The following SPAG9 variants were observed in gnomAD, a reference collection of about 807,000 sequenced individuals.
SPAG9 encodes sperm associated antigen 9, also known as C-Jun-amino-terminal kinase-interacting protein 4.
In SPAG9, 35 loss-of-function variants were observed where a neutral mutation model predicts 166.5. The ratio of observed to expected loss-of-function variants is 0.21; its 90% CI spans 0.16 to 0.28. The LOEUF is 0.28. Among genes scored for constraint, SPAG9 ranks in the 10% least tolerant of loss-of-function variants. SPAG9 has a pLI of 1.00. For missense variants in SPAG9, 1,235 were observed against 1,603.3 expected (o/e 0.77, Z 3.92); for synonymous variants, 534 against 565.5 (o/e 0.94, Z 0.79).
intron 13 of SPAG9, among the ~76,000 whole-genome samples, chr17:51,000,202 A>T (rs1018282749): frequency 6.6e-6 from 1 of 152,220 alleles, no homozygotes; most frequent in African/African-American, 2.4e-5. Context: ...CACAGCAGGG[A>T]AGAGGATAAA....
At chr17:51,115,582 G>A (rs2049263550) in intron 1 of SPAG9, among the ~76,000 whole-genome samples, 1 of 152,040 alleles carries the variant, frequency 6.6e-6, no homozygotes, top group African/African-American at 2.4e-5. Flanking sequence ...GGCAATCCCA[G>A]CACTTTAGGA....
chr17:51,117,546 C>A (rs1210363857), intron 1 of SPAG9, among the ~76,000 whole-genome samples: 1 of 151,332 alleles, frequency 6.6e-6, no homozygotes, highest in Non-Finnish European at 1.5e-5. Context: ...CCCGTCTCTA[C>A]CAAAAATACA....
chr17:51,019,192 G>C (rs986553492), intron 8 of SPAG9, among the ~76,000 whole-genome samples: 4 of 152,188 alleles, frequency 2.6e-5, no homozygotes, highest in African/African-American at 9.7e-5. Context: ...GCCCTCACCA[G>C]ACACCTGACC....
At position 50,963,563 on chromosome 17, in the gene SPAG9, ATAT is replaced by A. The variant is rs1973215502; in HGVS notation, c.*2706_*2708del. Reference sequence around the variant, plus strand: ...CTTTAGATAAAACAACTACACACCTATATTACTTAAGTTAAAGCCAGTAAGTTC... The same window carrying A: ...CTTTAGATAAAACAACTACACACCTATACTTAAGTTAAAGCCAGTAAGTTC... On this transcript the variant is annotated 3_prime_UTR_variant, in exon 30 of 30. Coordinates refer to ENST00000262013, the MANE Select transcript of SPAG9 (RefSeq NM_001130528.3). 6.6e-6 allele frequency: 1 copy of A among 152,206 alleles called. No individual in the cohort carries two copies. The highest frequency in any genetic ancestry group is 1.5e-5 in the Non-Finnish European group (1 of 68,034). The allele number at this position is 152,206 out of a possible 1,614,324, so 9.4% of individuals were successfully genotyped here. A position where few individuals can be genotyped will look rare whatever the true frequency, so the allele number is the denominator to read the frequency against.
chr17:50,994,722 CTA>C (rs1473306819), intron 18 of SPAG9, among the ~76,000 whole-genome samples: 4 of 152,154 alleles, frequency 2.6e-5, no homozygotes, highest in African/African-American at 9.7e-5. Flanking sequence ...GCACTCCAGC[CTA>C]TGTGATAGAG....
intron 4 of SPAG9, chr17:51,046,800 T>C: frequency 6.5e-7 from 1 of 1,534,064 alleles, no homozygotes; most frequent in South Asian, 1.2e-5. Flanking sequence ...CACTCCATCC[T>C]GCAGCAGCTC....
intron 1 of SPAG9, among the ~76,000 whole-genome samples, chr17:51,083,543 TTTTA>T (rs71149341): frequency 0.02 from 2,844 of 141,150 alleles, 98 homozygotes; most frequent in African/African-American, 0.065. Context: ...AGCCTCTTTA[TTTTA>T]TTTATTTATT....
intron 3 of SPAG9, among the ~76,000 whole-genome samples, 176 bp downstream of exon 3, chr17:51,056,236 T>C (rs955260437): frequency 5.9e-5 from 9 of 152,170 alleles, no homozygotes; most frequent in South Asian, 2.1e-4. Flanking sequence ...CCAAGAAAAG[T>C]TGACATTTGG....
intron 1 of SPAG9, among the ~76,000 whole-genome samples, chr17:51,114,584 C>A (rs1315658764): frequency 6.6e-6 from 1 of 151,980 alleles, no homozygotes; most frequent in African/African-American, 2.4e-5. Context: ...AAGCCAAGAT[C>A]GTGCCTCTGC....
chr17:51,017,402 T>C (rs764422289), intron 8 of SPAG9, among the ~76,000 whole-genome samples: 1 of 152,118 alleles, frequency 6.6e-6, no homozygotes, highest in Non-Finnish European at 1.5e-5. Context: ...GATAGAGTTG[T>C]GCACCCTTTA....
intron 9 of SPAG9, among the ~76,000 whole-genome samples, chr17:51,007,568 G>T (rs2045280037): frequency 6.6e-6 from 1 of 152,020 alleles, no homozygotes; most frequent in African/African-American, 2.4e-5. Flanking sequence ...ATCTGAATCG[G>T]CTTGCTAGGG....
chr17:51,005,672 G>A (rs1157653125), intron 11 of SPAG9, among the ~76,000 whole-genome samples: 1 of 152,202 alleles, frequency 6.6e-6, no homozygotes, highest in African/African-American at 2.4e-5. Context: ...CCAACATGGC[G>A]AAACCCTGTC....
At chr17:51,028,600 A>G (rs1280526750) in intron 6 of SPAG9, among the ~76,000 whole-genome samples, 1 of 152,190 alleles carries the variant, frequency 6.6e-6, no homozygotes, top group African/African-American at 2.4e-5. Flanking sequence ...GTAGTAAGCT[A>G]TACTGTCTAG....
chr17:51,007,720 G>A, intron 9 of SPAG9: 1 of 370,076 alleles, frequency 2.7e-6, no homozygotes, highest in Non-Finnish European at 5.3e-6. Context: ...GATCGAAATT[G>A]TTTCTAAATC....
At chr17:51,065,996 T>C (rs753977818) in intron 2 of SPAG9, among the ~76,000 whole-genome samples, 1 of 152,240 alleles carries the variant, frequency 6.6e-6, no homozygotes, top group Non-Finnish European at 1.5e-5. Flanking sequence ...TTTTTGTGGC[T>C]AGTTCGTTAT....
intron 2 of SPAG9, among the ~76,000 whole-genome samples, chr17:51,066,097 T>C (rs1482857435): frequency 6.6e-6 from 1 of 151,182 alleles, no homozygotes; most frequent in African/African-American, 2.5e-5. Context: ...AAAGGTATGT[T>C]ACCCCATTAC....
intron 5 of SPAG9, among the ~76,000 whole-genome samples, chr17:51,038,997 T>C (rs1258148314): frequency 6.6e-6 from 1 of 152,156 alleles, no homozygotes; most frequent in Non-Finnish European, 1.5e-5. Context: ...CAGTGAGAAA[T>C]TTGTAATACA....
intron 12 of SPAG9, among the ~76,000 whole-genome samples, chr17:51,003,138 C>T (rs904336365): frequency 7.2e-5 from 11 of 151,894 alleles, no homozygotes; most frequent in African/African-American, 2.2e-4. Context: ...ACTTGGGAGG[C>T]GGAGGCAGGA....
rs115079912 is a variant in SPAG9, at chr17:51,106,442, G to A, written c.303+13912C>T. 4.4e-3 allele frequency among the ~76,000 whole-genome samples: 674 copies of A among 152,256 alleles called. 6 individuals are homozygous for A. The highest frequency in any genetic ancestry group is 0.016 in the African/African-American group (652 of 41,536). Reference sequence around the variant, plus strand: ...TTGTTTATTGCAATGTAAACTCCAAGACAAGATAGGCTACCTTCCTTGTCT... The same window carrying A: ...TTGTTTATTGCAATGTAAACTCCAAAACAAGATAGGCTACCTTCCTTGTCT... On this transcript the variant is annotated intron_variant, in intron 1 of 29. Coordinates refer to ENST00000262013, the MANE Select transcript of SPAG9 (RefSeq NM_001130528.3).
Sources: gnomAD v4.1 joint callset for allele counts (sites outside exome capture counted in the v4.1 genomes callset) on GRCh38, gnomAD v4.1.1 for gene constraint, MANE v1.5 for transcripts, NCBI Gene and HGNC (gene_info 2026-07-23, HGNC 2026-07-21) for gene names.